The following KANK1 variants were observed in gnomAD, a reference collection of about 807,000 sequenced individuals.
KANK1 encodes KN motif and ankyrin repeat domain-containing protein 1.
In KANK1, 109 loss-of-function variants were observed where a neutral mutation model predicts 106.2. The ratio of observed to expected loss-of-function variants is 1.03; its 90% CI spans 0.88 to 1.20. The LOEUF (loss-of-function observed/expected upper bound fraction) is 1.20, where lower values mean the gene tolerates loss of function less well. KANK1 is among the 50% of genes most tolerant of loss of function. The pLI is 0.00. For synonymous variants in KANK1, 873 were observed against 652.2 expected (o/e 1.34, Z -5.16); for missense variants, 2,399 against 1,710.7 (o/e 1.40, Z -7.10).
intron 1 of KANK1, among the ~76,000 whole-genome samples, chr9:588,248 C>T (rs572790565): frequency 1.3e-5 from 2 of 152,218 alleles, no homozygotes; most frequent in Middle Eastern, 3.4e-3. Context: ...TTTTAAATGA[C>T]AGCATAGTAT....
At chr9:685,011 T>C (rs1253939823) in intron 2 of KANK1, among the ~76,000 whole-genome samples, 1 of 152,156 alleles carries the variant, frequency 6.6e-6, no homozygotes, top group African/African-American at 2.4e-5. Flanking sequence ...TTGTAGAAAT[T>C]CTAAGTTCAA....
At position 684,288 on chromosome 9, in the gene KANK1, ATT is replaced by A. The variant is rs907535105; in HGVS notation, c.37+7281_37+7282del. 1.1e-4 allele frequency: 104 copies of A among 985,290 alleles called. 1 individual carries two copies. The highest frequency in any genetic ancestry group is 1.2e-4 in the Non-Finnish European group (101 of 829,934). 61.0% of individuals were successfully genotyped at this position (985,290 alleles called of 1,614,324 possible). On this transcript the variant is annotated intron_variant, in intron 2 of 11. Transcript: ENST00000382297. ...TTTATCTTCCAGTGAGTACCAGCCTATTTGAGTGTAGGAAGGAGAAAAATCTG... is the reference window on the plus strand; with the variant it reads ...TTTATCTTCCAGTGAGTACCAGCCTATGAGTGTAGGAAGGAGAAAAATCTG...
In KANK1 at chr9:745,361, AGGGGTAAAGGCTGAAGC is replaced by A; in HGVS notation, c.*127_*143del. On this transcript the variant is annotated 3_prime_UTR_variant, in exon 12 of 12. Coordinates refer to ENST00000382297, the MANE Select transcript of KANK1 (RefSeq NM_015158.5). The stretch of plus-strand genomic sequence containing the variant: ...ACCAGCAAACAGAAGCATCAAGCCC[AGGGGTAAAGGCTGAAGC>A]TTTCACAGTGCAGAGACTGCTAGCC... The A allele has an allele frequency of 9.8e-6, 12 of 1,222,826 alleles. No homozygotes were observed. In the Middle Eastern group the frequency reaches 8.2e-4, roughly 84 times the overall value. The allele number at this position is 1,222,826 out of a possible 1,614,324, so 75.7% of individuals were successfully genotyped here.
At chr9:574,648 A>C (rs1055437551) in intron 1 of KANK1, among the ~76,000 whole-genome samples, 7 of 151,776 alleles carry the variant, frequency 4.6e-5, no homozygotes, top group Non-Finnish European at 8.8e-5. Context: ...TGAGGTGAGG[A>C]GTTCAAGACC....
intron 1 of KANK1, chr9:673,408 C>A (rs562706501): frequency 3.3e-5 from 5 of 152,426 alleles, no homozygotes; most frequent in African/African-American, 1.2e-4. Flanking sequence ...TGGGATTTTG[C>A]CATGTTGGCC....
intron 7 of KANK1, 80 bp downstream of exon 7, chr9:734,915 G>T (rs1469932842): frequency 1.0e-6 from 1 of 1,003,918 alleles, no homozygotes; most frequent in Non-Finnish European, 1.6e-6. Flanking sequence ...GCTGTAGGCT[G>T]CCCGAGCTGT....
chr9:569,164 TC>T (rs1478709266), intron 1 of KANK1, among the ~76,000 whole-genome samples: 2 of 151,102 alleles, frequency 1.3e-5, no homozygotes, highest in Non-Finnish European at 3.0e-5. Flanking sequence ...CTTCCTTTCT[TC>T]CTGCCTCCCC....
At chr9:660,035 G>A (rs1842954149) in intron 1 of KANK1, 3 of 350,980 alleles carry the variant, frequency 8.5e-6, no homozygotes, top group Non-Finnish European at 1.7e-5. Context: ...GCTGATACAA[G>A]TAAGGGTGAT....
chr9:573,558 C>G (rs1307163390), intron 1 of KANK1, among the ~76,000 whole-genome samples: 1 of 152,162 alleles, frequency 6.6e-6, no homozygotes, highest in African/African-American at 2.4e-5. Flanking sequence ...GCATGAGCCA[C>G]CGCGCCCGGT....
chr9:700,253 A>G (rs1822320976), intron 2 of KANK1, among the ~76,000 whole-genome samples: 1 of 152,224 alleles, frequency 6.6e-6, no homozygotes, highest in African/African-American at 2.4e-5. Context: ...AACCAGAAGG[A>G]GGAACACTCA....
Position 656,791 on chromosome 9 carries a change from A to C in KANK1, c.-83-20099A>C, listed in dbSNP as rs1390700182. ...TATTAAAAAGGGAAAAGCTTAAGTGAGGTTTATTTCCACTAAAGGATAGCA... is the reference window on the plus strand; with the variant it reads ...TATTAAAAAGGGAAAAGCTTAAGTGCGGTTTATTTCCACTAAAGGATAGCA... On this transcript the variant is annotated intron_variant, in intron 1 of 11. Transcript: ENST00000382297. Among the ~76,000 whole-genome samples the C allele has an allele frequency of 2.0e-5, 3 of 152,146 alleles. No homozygotes were observed. The East Asian group carries it at 5.8e-4, about 29-fold the overall frequency.
chr9:515,037 C>CAATA (rs1397304949), intron 1 of KANK1, among the ~76,000 whole-genome samples: 1 of 151,720 alleles, frequency 6.6e-6, no homozygotes, highest in East Asian at 1.9e-4. Context: ...TATTGCATAG[C>CAATA]AAAGTAGAAA....
chr9:645,701 G>A (rs1839520278), intron 1 of KANK1, among the ~76,000 whole-genome samples: 1 of 150,674 alleles, frequency 6.6e-6, no homozygotes, highest in African/African-American at 2.5e-5. Flanking sequence ...GGCCAACGTG[G>A]TGAAACCCCA....
chr9:472,981 T>C (rs1367996497), intron 2 of KANK1, among the ~76,000 whole-genome samples: 1 of 152,210 alleles, frequency 6.6e-6, no homozygotes, highest in East Asian at 1.9e-4. Flanking sequence ...GTTATTCAAG[T>C]AAAGCTCACT....
intron 1 of KANK1, among the ~76,000 whole-genome samples, chr9:604,634 C>T (rs1369429805): frequency 6.6e-6 from 1 of 151,670 alleles, no homozygotes; most frequent in Non-Finnish European, 1.5e-5. Flanking sequence ...GAGTTCAAGA[C>T]CAGTCTGGCC....
In KANK1 at chr9:712,758, A is replaced by C; in HGVS notation, c.1992A>C (p.Ala664=). The C allele has an allele frequency of 6.2e-7, 1 of 1,613,904 alleles. No individual in the cohort carries two copies. The highest frequency in any genetic ancestry group is 8.5e-7 in the Non-Finnish European group (1 of 1,179,928). The change falls in exon 3 of 12, where the codon GCA becomes GCC. Residue 664 remains alanine, a synonymous_variant. Coordinates refer to ENST00000382297, the MANE Select transcript of KANK1 (RefSeq NM_015158.5). ...AVSQVEAAVM[A]VPRTADQDTS... Reference sequence around the variant, plus strand: ...GCCAGGTGGAAGCTGCCGTCATGGCAGTGCCTCGTACTGCAGACCAGGACA... The same window carrying C: ...GCCAGGTGGAAGCTGCCGTCATGGCCGTGCCTCGTACTGCAGACCAGGACA...
intron 3 of KANK1, among the ~76,000 whole-genome samples, chr9:479,420 T>C (rs2058164820): frequency 6.6e-6 from 1 of 152,228 alleles, no homozygotes; most frequent in South Asian, 2.1e-4. Context: ...TCACTGCTCA[T>C]TCTTCCTACA....
intron 1 of KANK1, among the ~76,000 whole-genome samples, chr9:512,031 C>A (rs1295741506): frequency 6.6e-6 from 1 of 152,006 alleles, no homozygotes; most frequent in East Asian, 1.9e-4. Context: ...ATGACTATTG[C>A]CTTAGTGGGA....
chr9:536,210 G>A lies in KANK1; in HGVS notation c.-84+31456G>A, dbSNP rs79648090. ...AAAAAAAATAGCCAGACATGGTGGCGGGCACCTGTAATCCCAGCTACTCGG... is the reference window on the plus strand; with the variant it reads ...AAAAAAAATAGCCAGACATGGTGGCAGGCACCTGTAATCCCAGCTACTCGG... On this transcript the variant is annotated intron_variant, in intron 1 of 11. Transcript: ENST00000382297. Among the ~76,000 whole-genome samples, 23 of 152,120 alleles carry A rather than the reference G, an allele frequency of 1.5e-4. No homozygotes were observed. In the East Asian group the frequency reaches 3.9e-3, roughly 26 times the overall value.
Sources: gnomAD v4.1 joint callset for allele counts (sites outside exome capture counted in the v4.1 genomes callset) on GRCh38, gnomAD v4.1.1 for gene constraint, MANE v1.5 for transcripts, NCBI Gene and HGNC (gene_info 2026-07-23, HGNC 2026-07-21) for gene names.